Variants in ADAMTS2 observed in about 807,000 individuals in gnomAD.
ADAMTS2 encodes A disintegrin and metalloproteinase with thrombospondin motifs 2.
Under a neutral mutation model 123.0 loss-of-function variants are expected in ADAMTS2, and 50 were observed. That is an observed-to-expected ratio of 0.41 (90% confidence interval 0.32 to 0.51). ADAMTS2 has a LOEUF of 0.51. Among genes scored for constraint, ADAMTS2 ranks in the 20% least tolerant of loss-of-function variants. The pLI is 0.35. For missense variants in ADAMTS2, 1,494 were observed against 1,705.2 expected, an observed-to-expected ratio of 0.88 and a Z score of 2.18; for synonymous variants, 678 against 695.4, an observed-to-expected ratio of 0.98 and a Z score of 0.39.
Position 179,143,912 on chromosome 5 carries a change from C to T in ADAMTS2, c.1630-3877G>A, listed in dbSNP as rs1248725196. On this transcript the variant is annotated intron_variant, in intron 10 of 21. Transcript: ENST00000251582. ...GAAGGTACTTTTTACACATATATTC[C>T]AATCAGAGTCTGTCATTTCTCCCTT... Among the ~76,000 whole-genome samples, 11 of 152,012 alleles carry T rather than the reference C, an allele frequency of 7.2e-5. 1 individual carries two copies. In the South Asian group the frequency reaches 1.2e-3, roughly 17 times the overall value.
At chr5:179,223,763 G>A (rs143023428) in intron 3 of ADAMTS2, among the ~76,000 whole-genome samples, 78 of 152,220 alleles carry the variant, frequency 5.1e-4, no homozygotes, top group Middle Eastern at 3.4e-3. Flanking sequence ...GTGCATGTGC[G>A]TGTATGTGAG....
At chr5:179,257,398 G>A (rs1334896178) in intron 3 of ADAMTS2, among the ~76,000 whole-genome samples, 3 of 152,326 alleles carry the variant, frequency 2.0e-5, no homozygotes, top group South Asian at 2.1e-4. Context: ...GGAGCCCGGG[G>A]AACAGAACCT....
rs1034432699 is a variant in ADAMTS2, at chr5:179,308,469, C to T, written c.534+35298G>A. ...AGGAACGGGCAGCCGCCACTGTTCA[C>T]GAGCAAGGGTGCAGGGGCACCAGAG... On this transcript the variant is annotated intron_variant, in intron 2 of 21. Coordinates refer to ENST00000251582, the MANE Select transcript of ADAMTS2 (RefSeq NM_014244.5). The surrounding 1 kb of genome is among the most constrained non-coding windows in gnomAD (Gnocchi z 6.6). Among the ~76,000 whole-genome samples the T allele has an allele frequency of 2.6e-5, 4 of 152,162 alleles. No individual in the cohort carries two copies. Among genetic ancestry groups the T allele is most frequent in the Non-Finnish European group, 4.4e-5 (3 of 68,020 alleles).
At chr5:179,127,450 G>A (rs183138664) in intron 17 of ADAMTS2, among the ~76,000 whole-genome samples, 15 of 152,208 alleles carry the variant, frequency 9.9e-5, no homozygotes, top group African/African-American at 2.9e-4. Context: ...ACAGATCAGC[G>A]CTTCCTGTCT....
chr5:179,114,299 T>C lies in ADAMTS2; in HGVS notation c.3204A>G (p.Ser1068=). ...SSKGHCQGDK[S]IFCRMEVLSR... ...ACAAGACTTCCATCCTACAGAATAT[T>C]GACTTGTCGCCTTGGCAGTGGCCCT... Residue 1068 remains serine (S), a synonymous_variant, in exon 22 of 22, where the codon TCA becomes TCG. Transcript: ENST00000251582. 6.2e-7 allele frequency: 1 copy of C among 1,614,020 alleles called. No homozygotes were observed. Among genetic ancestry groups the C allele is most frequent in the Non-Finnish European group, 8.5e-7 (1 of 1,180,014 alleles).
At chr5:179,206,505 C>T (rs975738317) in intron 4 of ADAMTS2, among the ~76,000 whole-genome samples, 7 of 152,134 alleles carry the variant, frequency 4.6e-5, no homozygotes, top group East Asian at 1.9e-4. Context: ...CCCACCTGCC[C>T]GGCTTCCACA....
At chr5:179,287,756 G>A (rs919247008) in intron 2 of ADAMTS2, among the ~76,000 whole-genome samples, 4 of 152,246 alleles carry the variant, frequency 2.6e-5, no homozygotes, top group Non-Finnish European at 5.9e-5. Context: ...GGAGGGGCCA[G>A]GTGCTCAGAG....
intron 3 of ADAMTS2, among the ~76,000 whole-genome samples, chr5:179,266,053 G>C (rs1357730882): frequency 6.6e-6 from 1 of 152,194 alleles, no homozygotes; most frequent in Non-Finnish European, 1.5e-5. Flanking sequence ...CCTGGCCTCA[G>C]GGGTCTGGGG....
intron 3 of ADAMTS2, among the ~76,000 whole-genome samples, chr5:179,232,529 C>A (rs1765430944): frequency 6.6e-6 from 1 of 152,212 alleles, no homozygotes; most frequent in Non-Finnish European, 1.5e-5. Context: ...TGCTCTTGAA[C>A]GCTGTGCTAG....
chr5:179,287,728 A>G (rs1175883781), intron 2 of ADAMTS2, among the ~76,000 whole-genome samples: 2 of 152,178 alleles, frequency 1.3e-5, no homozygotes, highest in African/African-American at 4.8e-5. Flanking sequence ...GCTCCTTCCC[A>G]CAGCGGGTGC....
At chr5:179,273,349 T>C (rs1029551521) in intron 2 of ADAMTS2, among the ~76,000 whole-genome samples, 1 of 151,994 alleles carries the variant, frequency 6.6e-6, no homozygotes, top group Non-Finnish European at 1.5e-5. Context: ...GTTTATAAAG[T>C]CAAAACCGTC....
chr5:179,143,386 T>G (rs1187672281), intron 10 of ADAMTS2, among the ~76,000 whole-genome samples: 2 of 144,912 alleles, frequency 1.4e-5, no homozygotes, highest in African/African-American at 2.6e-5. Flanking sequence ...TGAGCTGAGA[T>G]CGCGCCACTG....
intron 3 of ADAMTS2, among the ~76,000 whole-genome samples, chr5:179,268,143 A>AC (rs1561660221): frequency 7.4e-6 from 1 of 134,952 alleles, no homozygotes; most frequent in African/African-American, 2.7e-5. Context: ...GCTGCACCAG[A>AC]CCCAACTTCT....
chr5:179,335,731 C>G (rs573981585), intron 2 of ADAMTS2, among the ~76,000 whole-genome samples: 1 of 152,186 alleles, frequency 6.6e-6, no homozygotes, highest in African/African-American at 2.4e-5. Context: ...TCAGAATGGC[C>G]ACTAGCAAGC....
intron 3 of ADAMTS2, among the ~76,000 whole-genome samples, chr5:179,216,183 G>A (rs1406212063): frequency 6.6e-6 from 1 of 152,214 alleles, no homozygotes; most frequent in Non-Finnish European, 1.5e-5. Context: ...AAGTGACCCT[G>A]AGGTGATGGC....
At chr5:179,164,538 A>G (rs528426789) in intron 5 of ADAMTS2, among the ~76,000 whole-genome samples, 1 of 152,186 alleles carries the variant, frequency 6.6e-6, no homozygotes, top group Non-Finnish European at 1.5e-5. Context: ...AGCAAGGCAG[A>G]AGAGGCGGCG....
At chr5:179,164,296 C>G (rs1214543644) in intron 5 of ADAMTS2, among the ~76,000 whole-genome samples, 2 of 152,224 alleles carry the variant, frequency 1.3e-5, no homozygotes, top group African/African-American at 4.8e-5. Flanking sequence ...AGACATTGAC[C>G]TTGTGCCCAG....
At chr5:179,151,732 C>T (rs780190855) in intron 10 of ADAMTS2, among the ~76,000 whole-genome samples, 2 of 152,174 alleles carry the variant, frequency 1.3e-5, no homozygotes, top group Non-Finnish European at 2.9e-5. Context: ...GACAGTGTGC[C>T]CAACAAGGGA....
In ADAMTS2 at chr5:179,202,677, T is replaced by G. The variant is rs1253337706; in HGVS notation, c.891+4836A>C. 6.8e-6 allele frequency among the ~76,000 whole-genome samples: 1 copy of G among 147,742 alleles called. No individual in the cohort carries two copies. The highest frequency in any genetic ancestry group is 2.5e-5 in the African/African-American group (1 of 40,184). The stretch of plus-strand genomic sequence containing the variant: ...CAGAGGAGGATGGCTATGCCGAGAA[T>G]CCACCCCATCTCAGCAGCTGAACAC... On this transcript the variant is annotated intron_variant, in intron 4 of 21. Transcript: ENST00000251582. This position sits in a 1 kb window ranked among gnomAD's most constrained non-coding sequence, Gnocchi z 4.0.
Sources: allele counts gnomAD v4.1 joint callset (sites outside exome capture counted in the v4.1 genomes callset), GRCh38; gene constraint gnomAD v4.1.1; non-coding constraint Gnocchi (gnomAD v3.1); transcripts MANE v1.5; gene names NCBI Gene and HGNC (gene_info 2026-07-23, HGNC 2026-07-21).